SPATS2L: variants seen among roughly 807,000 people sequenced by gnomAD.
SPATS2L encodes the protein spermatogenesis associated serine rich 2 like, also known as SPATS2-like protein.
SPATS2L carries 30 observed loss-of-function variants against 59.6 expected under a neutral mutation model. The observed-to-expected ratio is 0.50, with a 90% CI of 0.38 to 0.68. SPATS2L has a LOEUF of 0.68. Among genes scored for constraint, SPATS2L ranks in the 30% least tolerant of loss-of-function variants. The probability of loss-of-function intolerance (pLI) is 0.00; values close to 1 mark genes in which losing one functional copy is unlikely to be tolerated. For synonymous variants in SPATS2L, 252 were observed against 263.5 expected (o/e 0.96, Z 0.42); for missense variants, 615 against 700.0 (o/e 0.88, Z 1.37).
chr2:200,406,140 C>T (rs1188514165), intron 3 of SPATS2L, among the ~76,000 whole-genome samples: 1 of 152,138 alleles, frequency 6.6e-6, no homozygotes, highest in Non-Finnish European at 1.5e-5. Flanking sequence ...GATATGCTCC[C>T]TGTCAGTAGA....
At chr2:200,359,675 C>T (rs1430044756) in intron 2 of SPATS2L, among the ~76,000 whole-genome samples, 1 of 152,210 alleles carries the variant, frequency 6.6e-6, no homozygotes, top group African/African-American at 2.4e-5. Flanking sequence ...TTGGCATGCA[C>T]CTCCCATTTT....
chr2:200,370,960 T>C (rs1056047599), intron 2 of SPATS2L, among the ~76,000 whole-genome samples: 1 of 152,168 alleles, frequency 6.6e-6, no homozygotes, highest in South Asian at 2.1e-4. Flanking sequence ...TTGAGCCAAA[T>C]GTAAACACAT....
At chr2:200,311,083 G>T (rs981472058) in intron 1 of SPATS2L, among the ~76,000 whole-genome samples, 1 of 152,182 alleles carries the variant, frequency 6.6e-6, no homozygotes, top group Admixed American at 6.5e-5. Context: ...CCGATAAAAT[G>T]AATAAATGTA....
chr2:200,322,277 G>A (rs1229182010), intron 1 of SPATS2L, among the ~76,000 whole-genome samples: 1 of 152,186 alleles, frequency 6.6e-6, no homozygotes, highest in African/African-American at 2.4e-5. Flanking sequence ...TGTTTTAGTT[G>A]TACGGACTAA....
intron 1 of SPATS2L, among the ~76,000 whole-genome samples, chr2:200,317,735 T>C (rs1322623904): frequency 6.6e-6 from 1 of 152,216 alleles, no homozygotes; most frequent in Non-Finnish European, 1.5e-5. Context: ...AGCATAACAA[T>C]TAACAAAGCA....
intron 3 of SPATS2L, among the ~76,000 whole-genome samples, chr2:200,392,532 G>A (rs141133800): frequency 1.7e-3 from 260 of 152,186 alleles, no homozygotes; most frequent in African/African-American, 5.7e-3. Flanking sequence ...ATTATAGACC[G>A]TCCCTTATTT....
At chr2:200,327,791 T>A (rs535145380) in intron 1 of SPATS2L, among the ~76,000 whole-genome samples, 2 of 152,206 alleles carry the variant, frequency 1.3e-5, no homozygotes, top group African/African-American at 2.4e-5. Flanking sequence ...TGAGATGAAC[T>A]GATCTTTATA....
intron 1 of SPATS2L, among the ~76,000 whole-genome samples, chr2:200,312,139 G>C (rs1454441390): frequency 6.6e-6 from 1 of 152,152 alleles, no homozygotes; most frequent in Non-Finnish European, 1.5e-5. Flanking sequence ...ATGACACAAA[G>C]CAAAAAATAA....
intron 1 of SPATS2L, among the ~76,000 whole-genome samples, chr2:200,327,727 A>G (rs1429277612): frequency 6.6e-6 from 1 of 152,206 alleles, no homozygotes; most frequent in African/African-American, 2.4e-5. Flanking sequence ...GAAGTATTAC[A>G]CTCACTAAAT....
intron 9 of SPATS2L, among the ~76,000 whole-genome samples, chr2:200,460,353 T>G (rs2086145617): frequency 6.6e-6 from 1 of 152,216 alleles, no homozygotes. Context: ...ATAAATTTAA[T>G]ATATCTGATT....
intron 1 of SPATS2L, among the ~76,000 whole-genome samples, chr2:200,319,352 G>A (rs561699122): frequency 3.4e-4 from 52 of 152,196 alleles, no homozygotes; most frequent in African/African-American, 1.3e-3. Context: ...ATCACTTGAG[G>A]TCAGGAGTTT....
chr2:200,470,004 C>T lies in SPATS2L; in HGVS notation c.1048C>T (p.Leu350Phe). Residue 350 changes from leucine (L) to phenylalanine (F), a missense_variant, in exon 11 of 13, where the codon CTC becomes TTC. By Grantham distance (22) the Leu-to-Phe change is conservative. This residue lies in a region of SPATS2L where 284 missense variants were observed against 280.1 expected (regional missense o/e 1.01). Coordinates refer to ENST00000409140, the MANE Select transcript of SPATS2L (RefSeq NM_001100423.2). ...DIEQLKAQIM[L>F]CGEITHPKNN... Reference sequence around the variant, plus strand: ...CGAACAGCTGAAGGCCCAAATCATGCTCTGCGGAGAAAGTGAGTTTTGCAT... The same window carrying T: ...CGAACAGCTGAAGGCCCAAATCATGTTCTGCGGAGAAAGTGAGTTTTGCAT... 6.2e-7 allele frequency: 1 copy of T among 1,609,162 alleles called. No individual in the cohort carries two copies. The highest frequency in any genetic ancestry group is 2.2e-5 in the East Asian group (1 of 44,766).
chr2:200,411,918 A>T (rs1488091032), intron 3 of SPATS2L, among the ~76,000 whole-genome samples: 3 of 152,152 alleles, frequency 2.0e-5, no homozygotes, highest in Non-Finnish European at 4.4e-5. Context: ...CTATTTCTGT[A>T]CATTTTCTAA....
At position 200,439,118 on chromosome 2, in the gene SPATS2L, A is replaced by G; in HGVS notation, c.446-4A>G. 1 of 1,611,466 alleles carries G rather than the reference A, an allele frequency of 6.2e-7. No individual in the cohort carries two copies. Among genetic ancestry groups the G allele is most frequent in the Non-Finnish European group, 8.5e-7 (1 of 1,177,848 alleles). ...CACAGTCATTATTTGGTGTTTTCTT[A>G]CAGAAGGCAACAGACTACTGCAACA... On this transcript the variant is annotated splice_region_variant and splice_polypyrimidine_tract_variant and intron_variant, in intron 6 of 12. Transcript: ENST00000409140.
At chr2:200,460,814 T>G (rs977298334) in intron 9 of SPATS2L, 7 of 151,820 alleles carry the variant, frequency 4.6e-5, no homozygotes, top group African/African-American at 1.7e-4. Context: ...AGTTTTTTTT[T>G]GTTTTTGTTT....
At chr2:200,372,717 C>T (rs2081469434) in intron 2 of SPATS2L, among the ~76,000 whole-genome samples, 1 of 152,150 alleles carries the variant, frequency 6.6e-6, no homozygotes, top group South Asian at 2.1e-4. Context: ...GGACCAGCTT[C>T]GGAGTTAGTT....
chr2:200,443,130 A>C (rs993818448), intron 8 of SPATS2L, among the ~76,000 whole-genome samples: 6 of 152,348 alleles, frequency 3.9e-5, no homozygotes, highest in Admixed American at 3.3e-4. Flanking sequence ...AAAATCAACT[A>C]TGCATGCCTG....
chr2:200,412,925 T>C (rs1194477376), intron 4 of SPATS2L, among the ~76,000 whole-genome samples: 3 of 151,904 alleles, frequency 2.0e-5, no homozygotes, highest in Non-Finnish European at 1.5e-5. Context: ...GGCATAGTAA[T>C]GCACGCCTGT....
At chr2:200,374,238 T>C (rs1186694865) in intron 2 of SPATS2L, among the ~76,000 whole-genome samples, 1 of 151,998 alleles carries the variant, frequency 6.6e-6, no homozygotes, top group East Asian at 1.9e-4. Flanking sequence ...AGCAGGTAGG[T>C]TTTATTTCTG....
Sources: allele counts gnomAD v4.1 joint callset (sites outside exome capture counted in the v4.1 genomes callset), GRCh38; gene constraint gnomAD v4.1.1; regional missense constraint gnomAD v4.1.1; transcripts MANE v1.5; gene names NCBI Gene and HGNC (gene_info 2026-07-23, HGNC 2026-07-21).